Variants in GNL2 observed in about 807,000 individuals in gnomAD.
GNL2 encodes the protein nucleolar GTP-binding protein 2.
GNL2 carries 51 observed loss-of-function variants against 92.3 expected under a neutral mutation model. The ratio of observed to expected loss-of-function variants is 0.55; its 90% CI spans 0.44 to 0.70. GNL2 has a LOEUF of 0.70. Among genes scored for constraint, GNL2 ranks in the 30% least tolerant of loss-of-function variants. The pLI, the probability that GNL2 is intolerant of heterozygous loss-of-function variation, is 0.00. For missense variants in GNL2, 844 were observed against 895.6 expected (o/e 0.94, Z 0.74); for synonymous variants, 283 against 300.6 (o/e 0.94, Z 0.61).
Position 37,587,388 on chromosome 1 carries a change from G to A in GNL2, c.492C>T (p.Ile164=), listed in dbSNP as rs944187672. ...NLFASDMQSL[I]ENAEMSTESY... is the part of the protein sequence containing the mutation. The stretch of plus-strand genomic sequence containing the variant: ...TCTCAGTGGACATTTCAGCATTTTC[G>A]ATAAGAGACTGCATATCACTTGCAA... Residue 164 remains isoleucine, a synonymous_variant, in exon 5 of 16, where the codon ATC becomes ATT. Transcript: ENST00000373062. 6.2e-6 allele frequency: 10 copies of A among 1,612,958 alleles called. No homozygotes were observed. The East Asian group carries it at 6.7e-5, about 11-fold the overall frequency.
chr1:37,582,674 C>T, intron 7 of GNL2, 104 bp downstream of exon 7: 3 of 970,302 alleles, frequency 3.1e-6, no homozygotes, highest in Non-Finnish European at 4.6e-6. Flanking sequence ...AGAGCACTCC[C>T]ATTACTACAA....
At chr1:37,581,916 G>A (rs1643774924) in intron 8 of GNL2, among the ~76,000 whole-genome samples, 1 of 151,974 alleles carries the variant, frequency 6.6e-6, no homozygotes, top group Non-Finnish European at 1.5e-5. Flanking sequence ...GCCTGCCTCG[G>A]CCTCCCAAAG....
chr1:37,568,398 C>T lies in GNL2; in HGVS notation c.1869-41G>A, dbSNP rs77187843. 4.4e-4 allele frequency: 568 copies of T among 1,305,008 alleles called. No homozygotes were observed. In the African/African-American group the frequency reaches 7.5e-3, roughly 17 times the overall value. 80.8% of individuals were successfully genotyped at this position (1,305,008 alleles called of 1,614,324 possible). On this transcript the variant is annotated intron_variant, in intron 13 of 15. Coordinates refer to ENST00000373062, the MANE Select transcript of GNL2 (RefSeq NM_013285.3). ...AAAGTAACATTCCTCCTCTCACTCGCCCGAATCACATACTGACCTGGAGAC... is the reference window on the plus strand; with the variant it reads ...AAAGTAACATTCCTCCTCTCACTCGTCCGAATCACATACTGACCTGGAGAC...
Position 37,567,692 on chromosome 1 carries a change from C to T in GNL2, c.2024G>A (p.Arg675Lys). Reference protein sequence around the residue: ...EEQEHSNKAPRALTSKERRRA... With the variant: ...EEQEHSNKAPKALTSKERRRA... ...ACTTACTTCTTTTGATGTAAGCGCC[C>T]TGGGAGCTTTATTTGAATGTTCCTG... is the stretch of plus-strand genomic sequence containing the variant. The change falls in exon 15 of 16, where the codon AGG becomes AAG. Residue 675 changes from arginine (R) to lysine (K), a missense_variant. Arg to Lys is a conservative substitution (Grantham distance 26). Coordinates refer to ENST00000373062, the MANE Select transcript of GNL2 (RefSeq NM_013285.3). The T allele has an allele frequency of 6.2e-7, 1 of 1,612,818 alleles. No individual in the cohort carries two copies. Among genetic ancestry groups the T allele is most frequent in the Admixed American group, 1.7e-5 (1 of 60,010 alleles).
At chr1:37,570,540 A>AC (rs1298101101) in intron 12 of GNL2, 2 of 152,202 alleles carry the variant, frequency 1.3e-5, no homozygotes, top group African/African-American at 4.8e-5. Context: ...AAAAAAAAAA[A>AC]AAAAAAGAGT....
intron 3 of GNL2, 64 bp from the exon 4 acceptor site, chr1:37,590,909 C>T (rs549022219): frequency 1.8e-5 from 24 of 1,303,218 alleles, no homozygotes; most frequent in African/African-American, 9.0e-5. Context: ...TCCACTGACA[C>T]GGTGAAAGGC....
At chr1:37,586,291 T>G (rs1366832757) in intron 5 of GNL2, among the ~76,000 whole-genome samples, 1 of 152,196 alleles carries the variant, frequency 6.6e-6, no homozygotes, top group Non-Finnish European at 1.5e-5. Context: ...TTTTTATTTT[T>G]TGTAGAGACA....
chr1:37,591,010 A>C (rs1376392298), intron 3 of GNL2, among the ~76,000 whole-genome samples, 165 bp from the exon 4 acceptor site: 1 of 152,156 alleles, frequency 6.6e-6, no homozygotes, highest in African/African-American at 2.4e-5. Flanking sequence ...AAACCAAAAA[A>C]CTGCCTCTCC....
intron 7 of GNL2, 67 bp from the exon 8 acceptor site, chr1:37,582,403 A>G: frequency 1.1e-6 from 1 of 918,738 alleles, no homozygotes; most frequent in Non-Finnish European, 1.7e-6. Context: ...TGGAAGAATC[A>G]GAGCTTGAAT....
chr1:37,568,921 G>A lies in GNL2; in HGVS notation c.1798C>T (p.Leu600=). The part of the protein sequence containing the change: ...GNDTKAVIKA[L]DEKIAKYQKF... ...TGATATTTGGCAATCTTCTCATCCAGTGCTTTAATAACGGCTTTGGTGTCG... is the reference window on the plus strand; with the variant it reads ...TGATATTTGGCAATCTTCTCATCCAATGCTTTAATAACGGCTTTGGTGTCG... The change falls in exon 13 of 16, where the codon CTG becomes TTG. Residue 600 remains leucine (L), a synonymous_variant. Coordinates refer to ENST00000373062, the MANE Select transcript of GNL2 (RefSeq NM_013285.3). 1.2e-6 allele frequency: 2 copies of A among 1,614,170 alleles called. No individual in the cohort carries two copies. Among genetic ancestry groups the A allele is most frequent in the Non-Finnish European group, 1.7e-6 (2 of 1,180,024 alleles).
chr1:37,591,504 C>CTTTTT (rs34721968), intron 3 of GNL2, among the ~76,000 whole-genome samples: 3 of 135,032 alleles, frequency 2.2e-5, no homozygotes, highest in Non-Finnish European at 3.2e-5. Context: ...TATATTTACT[C>CTTTTT]TTTTTTTTTT....
chr1:37,570,156 G>T (rs1643571754), intron 12 of GNL2: 1 of 152,154 alleles, frequency 6.6e-6, no homozygotes, highest in Non-Finnish European at 1.5e-5. Context: ...GGTAGGTAAG[G>T]CCTAATAAGA....
At chr1:37,574,943 G>T in intron 10 of GNL2, 120 bp from the exon 11 acceptor site, 1 of 705,516 alleles carries the variant, frequency 1.4e-6, no homozygotes, top group Non-Finnish European at 2.4e-6. Context: ...CGTGGAGATT[G>T]GCAGGAGCCT....
At chr1:37,567,263 CTCCTGACAAG>C (rs1643518949) in intron 15 of GNL2, among the ~76,000 whole-genome samples, 1 of 152,204 alleles carries the variant, frequency 6.6e-6, no homozygotes, top group South Asian at 2.1e-4. Context: ...TTCTGCATCA[CTCCTGACAAG>C]TCCCCTGCAG....
intron 9 of GNL2, 54 bp downstream of exon 9, chr1:37,576,374 A>T: frequency 6.5e-7 from 1 of 1,526,724 alleles, no homozygotes; most frequent in Non-Finnish European, 9.0e-7. Flanking sequence ...CTAAACAATC[A>T]CTCTCTATGA....
At chr1:37,569,644 A>G (rs958035381) in intron 12 of GNL2, 3 of 224,494 alleles carry the variant, frequency 1.3e-5, no homozygotes, top group Admixed American at 5.1e-5. Flanking sequence ...ATCAGCACAC[A>G]CAACTACATA....
chr1:37,569,523 G>C (rs1643563507), intron 12 of GNL2: 3 of 512,014 alleles, frequency 5.9e-6, no homozygotes, highest in Non-Finnish European at 1.0e-5. Context: ...AGTTCCACAG[G>C]ATGAACCAAC....
rs17849265 is a variant in GNL2 at position 37,582,281 on chromosome 1, C to T, written c.851G>A (p.Ser284Asn). Residue 284 changes from serine (S) to asparagine (N), a missense_variant, in exon 8 of 16, where the codon AGC (serine) becomes AAC (asparagine). Ser to Asn is a conservative substitution (Grantham distance 46, BLOSUM62 1). Transcript: ENST00000373062. Reference sequence around the variant, plus strand: ...TCCCTTGCCAAACGGGTTAGTAAGGCTTGCATGGAAAGCAAGTGTTGGATA... The same window carrying T: ...TCCCTTGCCAAACGGGTTAGTAAGGTTTGCATGGAAAGCAAGTGTTGGATA... ...QDYPTLAFHA[S>N]LTNPFGKGAF... 2.5e-6 allele frequency: 4 copies of T among 1,613,354 alleles called. No homozygotes were observed. In the African/African-American group the frequency reaches 5.3e-5, roughly 22 times the overall value.
chr1:37,590,105 C>A (rs1643879201), intron 4 of GNL2, among the ~76,000 whole-genome samples: 1 of 152,144 alleles, frequency 6.6e-6, no homozygotes, highest in African/African-American at 2.4e-5. Flanking sequence ...GGTCGGTTAT[C>A]TATACTTTCT....
Sources: gnomAD v4.1 joint callset for allele counts (sites outside exome capture counted in the v4.1 genomes callset) on GRCh38, gnomAD v4.1.1 for gene constraint, MANE v1.5 for transcripts, NCBI Gene and HGNC (gene_info 2026-07-23, HGNC 2026-07-21) for gene names.